DCN: variants seen among roughly 807,000 people sequenced by gnomAD.
DCN encodes decorin.
In DCN, 17 loss-of-function variants were observed where a neutral mutation model predicts 36.5. The ratio of observed to expected loss-of-function variants is 0.47; its 90% CI spans 0.32 to 0.70. The LOEUF is 0.70. DCN is among the 30% of genes least tolerant of loss of function. DCN has a pLI of 0.04. For missense variants in DCN, 389 were observed against 430.1 expected, an observed-to-expected ratio of 0.90 and a Z score of 0.84; for synonymous variants, 163 against 161.4, an observed-to-expected ratio of 1.01 and a Z score of -0.07.
Position 91,142,094 on chromosome 12 carries a change from A to G in DCN, c.*3964T>C, listed in dbSNP as rs920610980. The G allele has an allele frequency of 2.6e-5, 4 of 152,216 alleles. No individual in the cohort carries two copies. Among genetic ancestry groups the G allele is most frequent in the Non-Finnish European group, 4.4e-5 (3 of 68,038 alleles). The allele number at this position is 152,216 out of a possible 1,614,324, so 9.4% of individuals were successfully genotyped here. On this transcript the variant is annotated 3_prime_UTR_variant, in exon 8 of 8. Transcript: ENST00000052754. ...CTGTCACAGACCTGTGATTTGAAATAATTGTGACAGATGGTGTGCTTGAAT... is the reference window on the plus strand; with the variant it reads ...CTGTCACAGACCTGTGATTTGAAATGATTGTGACAGATGGTGTGCTTGAAT...
At chr12:91,177,710 C>A in intron 2 of DCN, 1 of 696,302 alleles carries the variant, frequency 1.4e-6, no homozygotes, top group East Asian at 2.7e-5. Flanking sequence ...TTACACCATA[C>A]CTTAGTGATA....
chr12:91,164,400 CAAAAAA>C (rs5799980), intron 3 of DCN, among the ~76,000 whole-genome samples, 199 bp downstream of exon 3: 7 of 78,916 alleles, frequency 8.9e-5, no homozygotes, highest in South Asian at 4.2e-4. Context: ...AAGCATAATT[CAAAAAA>C]AAAAAAAAAA....
chr12:91,145,982 C>CTA lies in DCN; in HGVS notation c.*74_*75dup. 1 of 1,275,168 alleles carries CTA rather than the reference C, an allele frequency of 7.8e-7. No homozygotes were observed. The highest frequency in any genetic ancestry group is 1.5e-5 in the African/African-American group (1 of 68,170). 79.0% of individuals were successfully genotyped at this position (1,275,168 alleles called of 1,614,324 possible). A position where few individuals can be genotyped will look rare whatever the true frequency, so the allele number is the denominator to read the frequency against. On this transcript the variant is annotated 3_prime_UTR_variant, in exon 8 of 8. Coordinates refer to ENST00000052754, the MANE Select transcript of DCN (RefSeq NM_001920.5). ...CACATTGCAGTTAGGTTTCCAGTAT[C>CTA]TAGCTTTTATTTATTTTTTAGCAAT...
At chr12:91,180,605 A>G (rs1233367050) in intron 1 of DCN, 1 of 152,192 alleles carries the variant, frequency 6.6e-6, no homozygotes, top group African/African-American at 2.4e-5. Flanking sequence ...ATTTAACAAA[A>G]TATCATAAAG....
intron 4 of DCN, among the ~76,000 whole-genome samples, chr12:91,157,525 C>A (rs764382521): frequency 2.0e-5 from 3 of 152,042 alleles, no homozygotes; most frequent in African/African-American, 7.2e-5. Context: ...TCCCATCTTA[C>A]GTTATTTATT....
chr12:91,151,392 C>G, intron 7 of DCN: 1 of 430,644 alleles, frequency 2.3e-6, no homozygotes, highest in Non-Finnish European at 4.3e-6. Flanking sequence ...ATCACCACCC[C>G]TACTGAAAAA....
chr12:91,177,871 A>G (rs894319977), intron 2 of DCN: 55 of 524,316 alleles, frequency 1.0e-4, no homozygotes, highest in Middle Eastern at 1.1e-3. Flanking sequence ...TTTGCTTTTG[A>G]TAACTGATTA....
chr12:91,181,136 G>A (rs1454101742), intron 1 of DCN, among the ~76,000 whole-genome samples: 1 of 147,044 alleles, frequency 6.8e-6, no homozygotes, highest in Non-Finnish European at 1.5e-5. Context: ...ATTTGCTCGT[G>A]TGTGTGTGTG....
intron 3 of DCN, among the ~76,000 whole-genome samples, chr12:91,163,099 A>T (rs191735415): frequency 4.0e-4 from 61 of 152,288 alleles, no homozygotes; most frequent in Non-Finnish European, 7.2e-4. Flanking sequence ...TTTATATTTA[A>T]TGTGCACTCA....
rs1421993178 is a variant in DCN, at chr12:91,182,739, A to T, written c.-118T>A. The T allele has an allele frequency of 6.6e-6, 1 of 152,042 alleles. No homozygotes were observed. Among genetic ancestry groups the T allele is most frequent in the Non-Finnish European group, 1.5e-5 (1 of 67,980 alleles). 9.4% of individuals were successfully genotyped at this position (152,042 alleles called of 1,614,324 possible). A position where few individuals can be genotyped will look rare whatever the true frequency, so the allele number is the denominator to read the frequency against. On this transcript the variant is annotated 5_prime_UTR_variant, in exon 1 of 8. Coordinates refer to ENST00000052754, the MANE Select transcript of DCN (RefSeq NM_001920.5). The stretch of plus-strand genomic sequence containing the variant: ...ATTCAGCCCAAGTAAAAGAGTTTGC[A>T]GGTGTGGAAAGGAGGAGGGGGTAGG...
At chr12:91,168,760 G>C (rs1882744524) in intron 2 of DCN, among the ~76,000 whole-genome samples, 1 of 152,152 alleles carries the variant, frequency 6.6e-6, no homozygotes, top group African/African-American at 2.4e-5. Flanking sequence ...ATAAATGAAT[G>C]CTACTTACTA....
At chr12:91,149,156 A>T (rs1476153977) in intron 7 of DCN, among the ~76,000 whole-genome samples, 1 of 152,216 alleles carries the variant, frequency 6.6e-6, no homozygotes, top group Admixed American at 6.5e-5. Context: ...AAAAAATGTA[A>T]TCAAATACCT....
chr12:91,155,517 T>C (rs1881707771), intron 5 of DCN, among the ~76,000 whole-genome samples: 1 of 152,118 alleles, frequency 6.6e-6, no homozygotes, highest in Non-Finnish European at 1.5e-5. Flanking sequence ...GTGAAGGATA[T>C]TTTGGAGCAT....
At chr12:91,164,796 G>T (rs1882438852) in intron 2 of DCN, 79 bp from the exon 3 acceptor site, 3 of 775,094 alleles carry the variant, frequency 3.9e-6, no homozygotes, top group East Asian at 2.5e-5. Context: ...TATTTACCAA[G>T]AAATTAATGT....
At chr12:91,151,928 T>TA in intron 6 of DCN, 136 bp from the exon 7 acceptor site, 1 of 889,534 alleles carries the variant, frequency 1.1e-6, no homozygotes, top group Non-Finnish European at 1.8e-6. Flanking sequence ...TGGAGTGCTT[T>TA]CTCCAACCTC....
chr12:91,172,928 T>C, intron 2 of DCN: 1 of 547,830 alleles, frequency 1.8e-6, no homozygotes, highest in South Asian at 2.6e-5. Flanking sequence ...TAATCACAGA[T>C]ATGTATATAT....
At chr12:91,164,968 G>C (rs141244803) in intron 2 of DCN, among the ~76,000 whole-genome samples, 2 of 152,214 alleles carry the variant, frequency 1.3e-5, no homozygotes, top group African/African-American at 4.8e-5. Flanking sequence ...TTATTCCTCT[G>C]CATTAGGGGA....
At position 91,157,108 on chromosome 12, in the gene DCN, T is replaced by G. The variant is rs777628468; in HGVS notation, c.619A>C (p.Ile207Leu). 2 of 1,612,376 alleles carry G rather than the reference T, an allele frequency of 1.2e-6. No individual in the cohort carries two copies. The highest frequency in any genetic ancestry group is 2.7e-5 in the African/African-American group (2 of 74,878). ...QGMKKLSYIR[I>L]ADTNITSIPQ... ...ATGCTGGTGATATTGGTATCAGCAATGCGGATGTAGGAGAGCTTCTTCATT... is the reference window on the plus strand; with the variant it reads ...ATGCTGGTGATATTGGTATCAGCAAGGCGGATGTAGGAGAGCTTCTTCATT... The change falls in exon 5 of 8, where the codon ATT becomes CTT. Residue 207 changes from isoleucine (I) to leucine (L), a missense_variant. Ile to Leu is a conservative substitution (Grantham distance 5, BLOSUM62 2). Transcript: ENST00000052754.
In DCN at chr12:91,141,452, C is replaced by T. The variant is rs532186808; in HGVS notation, c.*4606G>A. The T allele has an allele frequency of 2.6e-5, 4 of 152,046 alleles. No individual in the cohort carries two copies. The highest frequency in any genetic ancestry group is 2.0e-4 in the Admixed American group (3 of 15,254). 9.4% of individuals were successfully genotyped at this position (152,046 alleles called of 1,614,324 possible). A position where few individuals can be genotyped will look rare whatever the true frequency, so the allele number is the denominator to read the frequency against. On this transcript the variant is annotated 3_prime_UTR_variant, in exon 8 of 8. Transcript: ENST00000052754. ...CTATATAAAATAGCAAGTCTCACCC[C>T]CTTCACATCCCTTATTCCCCAGTTC... is the stretch of plus-strand genomic sequence containing the variant.
Sources: allele counts gnomAD v4.1 joint callset (sites outside exome capture counted in the v4.1 genomes callset), GRCh38; gene constraint gnomAD v4.1.1; transcripts MANE v1.5; gene names NCBI Gene and HGNC (gene_info 2026-07-23, HGNC 2026-07-21).